LRP2: variants seen among roughly 807,000 people sequenced by gnomAD.
LRP2 encodes LDL receptor related protein 2, also known as low-density lipoprotein receptor-related protein 2.
A neutral mutation model predicts 531.0 loss-of-function variants in LRP2; 172 were observed. That is an observed-to-expected ratio of 0.32 (90% CI 0.29 to 0.37). The LOEUF is 0.37. Ranked by LOEUF, LRP2 falls within the 10% of genes least tolerant of loss-of-function variation. The probability of loss-of-function intolerance (pLI) is 1.00; values close to 1 mark genes in which losing one functional copy is unlikely to be tolerated. For missense variants in LRP2, 5,167 were observed against 5,868.3 expected (o/e 0.88, Z 3.90); for synonymous variants, 1,992 against 2,027.6 (o/e 0.98, Z 0.47).
Position 169,357,330 on chromosome 2 carries a change from T to G in LRP2, c.79+4991A>C, listed in dbSNP as rs572581511. 1.6e-3 allele frequency among the ~76,000 whole-genome samples: 233 copies of G among 145,666 alleles called. 2 individuals carry two copies. The highest frequency in any genetic ancestry group is 5.8e-3 in the African/African-American group (224 of 38,398). ...TTTTATTTTATTTTATTTTATTTTATTTTATTTTATTTTATTTTTGAGACA... is the reference window on the plus strand; with the variant it reads ...TTTTATTTTATTTTATTTTATTTTAGTTTATTTTATTTTATTTTTGAGACA... On this transcript the variant is annotated intron_variant, in intron 1 of 78. Coordinates refer to ENST00000649046, the MANE Select transcript of LRP2 (RefSeq NM_004525.3).
At chr2:169,161,422 A>T (rs1200814746) in intron 63 of LRP2, among the ~76,000 whole-genome samples, 1 of 152,126 alleles carries the variant, frequency 6.6e-6, no homozygotes, top group Non-Finnish European at 1.5e-5. Context: ...GGTTATGTTC[A>T]TCATCCTTTT....
intron 58 of LRP2, 89 bp from the exon 59 acceptor site, chr2:169,170,756 C>T (rs1686967450): frequency 3.4e-6 from 3 of 888,838 alleles, no homozygotes; most frequent in Non-Finnish European, 5.7e-6. Flanking sequence ...CCCTGGGTGC[C>T]CAGCACCCTC....
At chr2:169,137,640 G>C in intron 75 of LRP2, 147 bp from the exon 76 acceptor site, 136 of 125,318 alleles carry the variant, frequency 1.1e-3, no homozygotes, top group East Asian at 4.8e-3. Context: ...TTACCCAAAA[G>C]AGAACTTGCA....
rs746568999 is a variant in LRP2, at chr2:169,216,347, T to G, written c.5732A>C (p.Lys1911Thr). The G allele has an allele frequency of 9.9e-6, 16 of 1,613,560 alleles. No homozygotes were observed. Among genetic ancestry groups the G allele is most frequent in the Non-Finnish European group, 1.4e-5 (16 of 1,179,714 alleles). The change falls in exon 35 of 79, where the codon AAA (lysine) becomes ACA (threonine). Residue 1911 changes from lysine to threonine, a missense_variant. By Grantham distance (78) the Lys-to-Thr change is moderately conservative (BLOSUM62 -1). Around this residue, in one of 6 missense-constraint regions of LRP2, gnomAD observed 2,811 missense variants for 3,058.0 expected, o/e 0.92. Transcript: ENST00000649046. ...TTCGAGGTTCCCAGTAAAGAGAGTT[T>G]TCACAGATGTGCCATCCATGTTAGC... ...ASANMDGTSVKTLFTGNLEHL... is the reference protein window; with the variant it reads ...ASANMDGTSVTTLFTGNLEHL...
intron 3 of LRP2, among the ~76,000 whole-genome samples, chr2:169,313,026 G>T (rs1477568602): frequency 6.6e-6 from 1 of 152,142 alleles, no homozygotes; most frequent in African/African-American, 2.4e-5. Flanking sequence ...GCATCACGTA[G>T]TTCTCATGCC....
chr2:169,294,671 G>T lies in LRP2; in HGVS notation c.467C>A (p.Ala156Asp), dbSNP rs769825555. ...ACACTTCTGACTGGTGTTATAGCAG[G>T]CCCCATTGTCACAAGTAAGCTGCTC... The part of the protein sequence containing the change: ...TCEQLTCDNG[A>D]CYNTSQKCDW... Residue 156 changes from alanine (A) to aspartate (D), a missense_variant, in exon 5 of 79, where the codon GCC becomes GAC. Ala to Asp is a moderately radical substitution (Grantham distance 126, BLOSUM62 -2). Coordinates refer to ENST00000649046, the MANE Select transcript of LRP2 (RefSeq NM_004525.3). 9 of 1,604,562 alleles carry T rather than the reference G, an allele frequency of 5.6e-6. No homozygotes were observed. The South Asian group carries it at 7.7e-5, about 14-fold the overall frequency.
intron 1 of LRP2, among the ~76,000 whole-genome samples, chr2:169,328,078 C>T (rs1220269685): frequency 1.4e-5 from 2 of 142,926 alleles, no homozygotes; most frequent in East Asian, 2.1e-4. Flanking sequence ...GTCAGCCCCC[C>T]GCCCAGCCAG....
Position 169,282,954 on chromosome 2 carries a change from T to G in LRP2, c.1090A>C (p.Ser364Arg). The G allele has an allele frequency of 6.2e-7, 1 of 1,614,166 alleles. No homozygotes were observed. The highest frequency in any genetic ancestry group is 8.5e-7 in the Non-Finnish European group (1 of 1,179,998). Residue 364 changes from serine to arginine, a missense_variant, in exon 10 of 79, where the codon AGC becomes CGC. By Grantham distance (110) the Ser-to-Arg change is moderately radical. Around this residue, in one of 6 missense-constraint regions of LRP2, gnomAD observed 2,811 missense variants for 3,058.0 expected, o/e 0.92. Transcript: ENST00000649046. ...IWGICDQKCESRPGRHLCHCE... is the reference protein window; with the variant it reads ...IWGICDQKCERRPGRHLCHCE... Reference sequence around the variant, plus strand: ...TGGCACAGGTGACGGCCAGGTCGGCTTTCACACTTCTGGTCACAAATTCCC... The same window carrying G: ...TGGCACAGGTGACGGCCAGGTCGGCGTTCACACTTCTGGTCACAAATTCCC...
chr2:169,279,339 A>C, intron 12 of LRP2, 33 bp downstream of exon 12: 1 of 1,510,972 alleles, frequency 6.6e-7, no homozygotes, highest in Non-Finnish European at 9.2e-7. Context: ...AATTCTAAAA[A>C]TACAGGAATC....
chr2:169,224,077 T>C (rs1399826699), intron 33 of LRP2, among the ~76,000 whole-genome samples: 1 of 152,222 alleles, frequency 6.6e-6, no homozygotes, highest in African/African-American at 2.4e-5. Flanking sequence ...TACCGAACTC[T>C]ACATAGGCTG....
chr2:169,132,066 T>C (rs2105326834), intron 77 of LRP2, among the ~76,000 whole-genome samples: 1 of 152,288 alleles, frequency 6.6e-6, no homozygotes, highest in East Asian at 1.9e-4. Flanking sequence ...TAACGTTAGT[T>C]AGATGATTGG....
At chr2:169,225,188 C>A (rs1689157283) in intron 33 of LRP2, 122 bp downstream of exon 33, 2 of 1,019,400 alleles carry the variant, frequency 2.0e-6, no homozygotes, top group Admixed American at 2.0e-5. Flanking sequence ...ACACTAATAT[C>A]TTTTCCCTTT....
At chr2:169,277,702 C>T (rs774697686) in intron 13 of LRP2, 43 bp downstream of exon 13, 23 of 1,556,748 alleles carry the variant, frequency 1.5e-5, no homozygotes, top group Non-Finnish European at 2.0e-5. Context: ...ATGCACTTTC[C>T]CTGCAACTTA....
At chr2:169,198,713 C>T in intron 45 of LRP2, 73 bp downstream of exon 45, 2 of 1,569,574 alleles carry the variant, frequency 1.3e-6, no homozygotes, top group Non-Finnish European at 1.7e-6. Context: ...AATACCCACG[C>T]TTCATATCTT....
chr2:169,360,665 ACT>A, intron 1 of LRP2, among the ~76,000 whole-genome samples: 1 of 152,150 alleles, frequency 6.6e-6, no homozygotes, highest in East Asian at 1.9e-4. Flanking sequence ...CATTGTGCAA[ACT>A]CTGCACAATA....
At position 169,246,848 on chromosome 2, in the gene LRP2, TC is replaced by T; in HGVS notation, c.3046del (p.Asp1016ThrfsTer170). The T allele has an allele frequency of 6.2e-7, 1 of 1,614,046 alleles. No homozygotes were observed. Among genetic ancestry groups the T allele is most frequent in the Non-Finnish European group, 8.5e-7 (1 of 1,180,016 alleles). ...LASNHLTCEGDPTNEPPTEQC... is the reference protein window; with the variant it reads ...LASNHLTCEGXPTNEPPTEQC... The stretch of plus-strand genomic sequence containing the variant: ...CTCTGTGGGTGGTTCATTGGTTGGG[TC>T]CCCCTCGCATGTCAAGTGATTGGAA... On this transcript the variant is annotated frameshift_variant, in exon 21 of 79. Transcript: ENST00000649046. LOFTEE classifies it high-confidence loss of function.
At chr2:169,158,802 G>A (rs1040387897) in intron 63 of LRP2, among the ~76,000 whole-genome samples, 1 of 150,422 alleles carries the variant, frequency 6.6e-6, no homozygotes, top group African/African-American at 2.4e-5. Flanking sequence ...TTAGTGATGG[G>A]ATTCAAATGA....
At chr2:169,197,118 G>A (rs1688030849) in intron 45 of LRP2, 88 bp from the exon 46 acceptor site, 3 of 1,500,600 alleles carry the variant, frequency 2.0e-6, no homozygotes, top group African/African-American at 1.4e-5. Flanking sequence ...CTCTGAGCTA[G>A]ATAATAGTTA....
chr2:169,235,588 C>G (rs1292919843), intron 29 of LRP2, among the ~76,000 whole-genome samples: 1 of 152,166 alleles, frequency 6.6e-6, no homozygotes, highest in Non-Finnish European at 1.5e-5. Flanking sequence ...ACATCTGCAG[C>G]TCAACTAAAT....
Sources: allele counts gnomAD v4.1 joint callset (sites outside exome capture counted in the v4.1 genomes callset), GRCh38; gene constraint gnomAD v4.1.1; regional missense constraint gnomAD v4.1.1; transcripts MANE v1.5; gene names NCBI Gene and HGNC (gene_info 2026-07-23, HGNC 2026-07-21).